The following KMT2C variants were observed in gnomAD, a reference collection of about 807,000 sequenced individuals.
KMT2C encodes the protein lysine methyltransferase 2C.
In KMT2C, 88 loss-of-function variants were observed where a neutral mutation model predicts 507.9. The ratio of observed to expected loss-of-function variants is 0.17; its 90% CI spans 0.15 to 0.21. The LOEUF is 0.21. KMT2C is among the 10% of genes least tolerant of loss of function. The pLI is 1.00. For missense variants in KMT2C, 4,954 were observed against 5,957.8 expected (o/e 0.83, Z 5.55); for synonymous variants, 2,049 against 2,080.8 (o/e 0.98, Z 0.42).
chr7:152,252,000 C>G lies in KMT2C; in HGVS notation c.1560G>C (p.Leu520=), dbSNP rs1387593871. 3.1e-6 allele frequency: 5 copies of G among 1,613,226 alleles called. No individual in the cohort carries two copies. Among genetic ancestry groups the G allele is most frequent in the South Asian group, 1.1e-5 (1 of 90,850 alleles). Residue 520 remains leucine, a synonymous_variant, in exon 11 of 59, where the codon CTG becomes CTC. Coordinates refer to ENST00000262189, the MANE Select transcript of KMT2C (RefSeq NM_170606.3). ...EEYICMYCKH[L]GAEMDRLQPG... ...GCTGTAAACGATCCATCTCAGCTCC[C>G]AGGTGTTTACAATACATGCAGATAT...
intron 23 of KMT2C, among the ~76,000 whole-genome samples, chr7:152,216,199 G>C (rs147219517): frequency 1.3e-5 from 2 of 152,282 alleles, no homozygotes; most frequent in East Asian, 3.9e-4. Flanking sequence ...GAGACAAACA[G>C]AGTGTTATTT....
rs1009035911 is a variant in KMT2C at position 152,313,952 on chromosome 7, C to G, written c.590+1186G>C. Among the ~76,000 whole-genome samples, 7 of 152,058 alleles carry G rather than the reference C, an allele frequency of 4.6e-5. No individual in the cohort carries two copies. The South Asian group carries it at 1.5e-3, about 32-fold the overall frequency. The stretch of plus-strand genomic sequence containing the variant: ...ATAATTGCCATTATTTAAGGCAGAA[C>G]ATGAGGATATAAGATACAGCCTGAT... On this transcript the variant is annotated intron_variant, in intron 4 of 58. Transcript: ENST00000262189.
At chr7:152,319,426 T>G (rs1352474957) in intron 3 of KMT2C, among the ~76,000 whole-genome samples, 1 of 152,192 alleles carries the variant, frequency 6.6e-6, no homozygotes, top group East Asian at 1.9e-4. Context: ...GCGAGCCTTC[T>G]GTTATGCCCA....
Position 152,181,497 on chromosome 7 carries a change from G to C in KMT2C, c.6363C>G (p.Thr2121=). The C allele has an allele frequency of 6.2e-7, 1 of 1,614,058 alleles. No individual in the cohort carries two copies. Among genetic ancestry groups the C allele is most frequent in the Non-Finnish European group, 8.5e-7 (1 of 1,179,998 alleles). ...HPSRAFSQPG[T]ISRPTSQDPY... is the part of the protein sequence containing the mutation. Reference sequence around the variant, plus strand: ...GGTCCTGAGATGTTGGCCTTGATATGGTTCCAGGCTGGGAAAAAGCCCTTG... The same window carrying C: ...GGTCCTGAGATGTTGGCCTTGATATCGTTCCAGGCTGGGAAAAAGCCCTTG... The change falls in exon 36 of 59, where the codon ACC becomes ACG. Residue 2121 remains threonine (T), a synonymous_variant. Transcript: ENST00000262189.
Position 152,148,869 on chromosome 7 carries a change from C to T in KMT2C, c.13058G>A (p.Arg4353Lys). ...GCTCCACTTCTTCCATTTCATTCCT[C>T]TCCATTTTTTATTGAGCGGCCTGCA... ...EDCRPLNKKW[R>K]GMKWKKWSIH... The change falls in exon 52 of 59, where the codon AGA (arginine) becomes AAA (lysine). Residue 4353 changes from arginine (R) to lysine (K), a missense_variant. By Grantham distance (26) the Arg-to-Lys change is conservative. This residue lies in a region of KMT2C where 417 missense variants were observed against 461.1 expected (regional missense o/e 0.90). Coordinates refer to ENST00000262189, the MANE Select transcript of KMT2C (RefSeq NM_170606.3). The surrounding 1 kb of genome is among the most constrained non-coding windows in gnomAD (Gnocchi z 7.1). The T allele has an allele frequency of 6.2e-7, 1 of 1,614,216 alleles. No homozygotes were observed. The highest frequency in any genetic ancestry group is 1.1e-5 in the South Asian group (1 of 91,082).
At chr7:152,303,972 G>C (rs375708469) in intron 6 of KMT2C, among the ~76,000 whole-genome samples, 1 of 152,062 alleles carries the variant, frequency 6.6e-6, no homozygotes, top group East Asian at 1.9e-4. Context: ...CTAGGAGACA[G>C]AGAGAGACTA....
chr7:152,329,725 G>A (rs1236738408), intron 3 of KMT2C, among the ~76,000 whole-genome samples: 1 of 148,708 alleles, frequency 6.7e-6, no homozygotes, highest in Non-Finnish European at 1.5e-5. Context: ...AGAAGGGAGG[G>A]AGACAGGTAA....
At chr7:152,198,323 TGTCA>T (rs750252434) in intron 27 of KMT2C, among the ~76,000 whole-genome samples, 28 of 152,330 alleles carry the variant, frequency 1.8e-4, no homozygotes, top group Non-Finnish European at 3.8e-4. Flanking sequence ...CAAAAATAGT[TGTCA>T]GTATTTCAAT....
Position 152,162,305 on chromosome 7 carries a change from T to C in KMT2C, c.11272A>G (p.Ser3758Gly), listed in dbSNP as rs373975415. 3.1e-6 allele frequency: 5 copies of C among 1,614,098 alleles called. No individual in the cohort carries two copies. The Admixed American group carries it at 5.0e-5, about 16-fold the overall frequency. Residue 3758 changes from serine (S) to glycine (G), a missense_variant, in exon 43 of 59, where the codon AGT becomes GGT. Ser to Gly is a moderately conservative substitution (Grantham distance 56, BLOSUM62 0). Around this residue, in one of 29 missense-constraint regions of KMT2C, gnomAD observed 801 missense variants for 751.2 expected, o/e 1.07. Transcript: ENST00000262189. ...AVACPVSSAQ[S>G]PPHSAGAPAA... ...GGGGCCCCAGCAGAATGGGGAGGAC[T>C]CTGTGCTGAGGAGACAGGACAGGCT...
chr7:152,321,043 G>A (rs1233515694), intron 3 of KMT2C, among the ~76,000 whole-genome samples: 1 of 151,990 alleles, frequency 6.6e-6, no homozygotes, highest in East Asian at 1.9e-4. Context: ...AGACCAGCCT[G>A]ACCAACATGG....
At chr7:152,297,095 A>AGAGAGAGAGAGAGAG (rs1563768364) in intron 6 of KMT2C, among the ~76,000 whole-genome samples, 3 of 110,036 alleles carry the variant, frequency 2.7e-5, no homozygotes, top group Non-Finnish European at 6.4e-5. Flanking sequence ...GAGAGAGAGA[A>AGAGAGAGAGAGAGAG]AGAAAGAAAG....
intron 1 of KMT2C, among the ~76,000 whole-genome samples, chr7:152,389,814 T>C (rs189389599): frequency 6.6e-6 from 1 of 152,078 alleles, no homozygotes; most frequent in African/African-American, 2.4e-5. Context: ...ATTATGCTGG[T>C]CCATATTTAA....
intron 1 of KMT2C, among the ~76,000 whole-genome samples, chr7:152,407,671 CAAAAA>C (rs11440446): frequency 1.5e-5 from 2 of 136,242 alleles, no homozygotes; most frequent in African/African-American, 5.4e-5. Flanking sequence ...GACTCTGTCT[CAAAAA>C]AAAAAAAAAG....
At chr7:152,428,857 G>C (rs2097844720) in intron 1 of KMT2C, among the ~76,000 whole-genome samples, 1 of 152,090 alleles carries the variant, frequency 6.6e-6, no homozygotes, top group South Asian at 2.1e-4. Context: ...GCAGCCTACT[G>C]TTCATTTAAA....
chr7:152,242,733 C>G (rs1277392402), intron 14 of KMT2C, among the ~76,000 whole-genome samples: 2 of 152,146 alleles, frequency 1.3e-5, no homozygotes, highest in Non-Finnish European at 2.9e-5. Flanking sequence ...AAGCAACTTT[C>G]TATTAAAAGT....
chr7:152,380,692 T>C (rs2097366293), intron 1 of KMT2C, among the ~76,000 whole-genome samples: 1 of 152,348 alleles, frequency 6.6e-6, no homozygotes, highest in South Asian at 2.1e-4. Flanking sequence ...CAACTATGAT[T>C]GTGCCACCGC....
At chr7:152,205,953 T>G (rs1328420408) in intron 24 of KMT2C, among the ~76,000 whole-genome samples, 1 of 152,176 alleles carries the variant, frequency 6.6e-6, no homozygotes, top group Non-Finnish European at 1.5e-5. Context: ...AGGGGGACGG[T>G]GTCTGGTACT....
intron 27 of KMT2C, 42 bp from the exon 28 acceptor site, chr7:152,196,053 TC>T (rs767948248): frequency 8.0e-7 from 1 of 1,244,326 alleles, no homozygotes; most frequent in Non-Finnish European, 1.1e-6. Flanking sequence ...CAGTATTTTC[TC>T]AGATATTAAG....
chr7:152,280,148 A>C (rs1294189798), intron 6 of KMT2C, among the ~76,000 whole-genome samples: 5 of 152,290 alleles, frequency 3.3e-5, no homozygotes, highest in Admixed American at 1.3e-4. Flanking sequence ...GGAACATTTC[A>C]ATACACTGTT....
Sources: gnomAD v4.1 joint callset for allele counts (sites outside exome capture counted in the v4.1 genomes callset) on GRCh38, gnomAD v4.1.1 for gene constraint, gnomAD v4.1.1 regional missense constraint, Gnocchi (gnomAD v3.1) non-coding constraint, MANE v1.5 for transcripts, NCBI Gene and HGNC (gene_info 2026-07-23, HGNC 2026-07-21) for gene names.